Variants in NEURL1B observed in about 807,000 individuals in gnomAD.
The protein encoded by NEURL1B is E3 ubiquitin-protein ligase NEURL1B.
Under a neutral mutation model 37.4 loss-of-function variants are expected in NEURL1B, and 13 were observed. The ratio of observed to expected loss-of-function variants is 0.35; its 90% CI spans 0.23 to 0.55. NEURL1B has a LOEUF of 0.55. NEURL1B is among the 20% of genes least tolerant of loss of function. The pLI is 0.89. For synonymous variants in NEURL1B, 432 were observed against 426.6 expected (o/e 1.01, Z -0.16); for missense variants, 790 against 879.2 (o/e 0.90, Z 1.28).
chr5:172,684,043 G>A lies in NEURL1B; in HGVS notation c.1202G>A (p.Arg401His), dbSNP rs1561653555. 1 of 1,334,036 alleles carries A rather than the reference G, an allele frequency of 7.5e-7. No individual in the cohort carries two copies. Among genetic ancestry groups the A allele is most frequent in the Non-Finnish European group, 9.6e-7 (1 of 1,039,916 alleles). The allele number at this position is 1,334,036 out of a possible 1,614,324, so 82.6% of individuals were successfully genotyped here. ...GACGTGCTCCTGGGCATCAACGGGCGTCCGCGCGGCCGCCTGCTGTGCGTC... is the reference window on the plus strand; with the variant it reads ...GACGTGCTCCTGGGCATCAACGGGCATCCGCGCGGCCGCCTGCTGTGCGTC... Reference protein sequence around the residue: ...GGDVLLGINGRPRGRLLCVDT... With the variant: ...GGDVLLGINGHPRGRLLCVDT... Residue 401 changes from arginine to histidine, a missense_variant, in exon 3 of 5, where the codon CGT becomes CAT. This residue lies in a region of NEURL1B where 460 missense variants were observed against 407.4 expected (regional missense o/e 1.13). Transcript: ENST00000369800.
chr5:172,678,877 T>C (rs779109564), intron 2 of NEURL1B, among the ~76,000 whole-genome samples: 1 of 152,204 alleles, frequency 6.6e-6, no homozygotes, highest in East Asian at 1.9e-4. Context: ...ATTTGAGACA[T>C]ACATTTTGCT....
In NEURL1B at chr5:172,683,977, G is replaced by C; in HGVS notation, c.1136G>C (p.Ser379Thr). ...GTGGCGCGCGCCGGGCCCGTGCCGA[G>C]CGGCGGCGACGCGCTCAGCTTCACG... is the stretch of plus-strand genomic sequence containing the variant. ...WVVARAGPVPSGGDALSFTLR... is the reference protein window; with the variant it reads ...WVVARAGPVPTGGDALSFTLR... Residue 379 changes from serine to threonine, a missense_variant, in exon 3 of 5, where the codon AGC (serine) becomes ACC (threonine). Around this residue, in one of 3 missense-constraint regions of NEURL1B, gnomAD observed 460 missense variants for 407.4 expected, o/e 1.13. Transcript: ENST00000369800. This position sits in a 1 kb window ranked among gnomAD's most constrained non-coding sequence, Gnocchi z 5.6. 7.6e-7 allele frequency: 1 copy of C among 1,319,744 alleles called. No homozygotes were observed. Among genetic ancestry groups the C allele is most frequent in the Non-Finnish European group, 9.7e-7 (1 of 1,032,110 alleles). 81.8% of individuals were successfully genotyped at this position (1,319,744 alleles called of 1,614,324 possible). A position where few individuals can be genotyped will look rare whatever the true frequency, so the allele number is the denominator to read the frequency against.
Position 172,689,122 on chromosome 5 carries a change from G to C in NEURL1B, c.*2197G>C, listed in dbSNP as rs754559613. On this transcript the variant is annotated 3_prime_UTR_variant, in exon 5 of 5. Coordinates refer to ENST00000369800, the MANE Select transcript of NEURL1B (RefSeq NM_001142651.3). Reference sequence around the variant, plus strand: ...TGACCTGGGAAGAAGCGAGTCAGTGGCCCGTTCAACCTGCTCTGCAGCTGC... The same window carrying C: ...TGACCTGGGAAGAAGCGAGTCAGTGCCCCGTTCAACCTGCTCTGCAGCTGC... The C allele has an allele frequency of 3.9e-5, 6 of 152,262 alleles. No homozygotes were observed. The highest frequency in any genetic ancestry group is 8.8e-5 in the Non-Finnish European group (6 of 68,050). 9.4% of individuals were successfully genotyped at this position (152,262 alleles called of 1,614,324 possible).
rs1757811459 is a variant in NEURL1B at position 172,657,107 on chromosome 5, A to G, written c.32-12678A>G. Among the ~76,000 whole-genome samples, 1 of 152,198 alleles carries G rather than the reference A, an allele frequency of 6.6e-6. No homozygotes were observed. The highest frequency in any genetic ancestry group is 1.5e-5 in the Non-Finnish European group (1 of 68,024). ...AGGGAAGCAATTCTGCATGATAACCAACAGCATGCATGGGCTTTGGATTCA... is the reference window on the plus strand; with the variant it reads ...AGGGAAGCAATTCTGCATGATAACCGACAGCATGCATGGGCTTTGGATTCA... On this transcript the variant is annotated intron_variant, in intron 1 of 4. Coordinates refer to ENST00000369800, the MANE Select transcript of NEURL1B (RefSeq NM_001142651.3). The surrounding 1 kb of genome is among the most constrained non-coding windows in gnomAD (Gnocchi z 4.0).
chr5:172,670,073 C>T lies in NEURL1B; in HGVS notation c.320C>T (p.Ser107Leu), dbSNP rs1758093258. Residue 107 changes from serine (S) to leucine (L), a missense_variant, in exon 2 of 5, where the codon TCG becomes TTG. This residue lies in a region of NEURL1B where 215 missense variants were observed against 309.2 expected (regional missense o/e 0.70). Coordinates refer to ENST00000369800, the MANE Select transcript of NEURL1B (RefSeq NM_001142651.3). ...LRFGFTAHDP[S>L]LMSAQDIPKY... ...TTCGGCTTCACCGCGCACGATCCGT[C>T]GCTCATGAGCGCCCAGGACATCCCC... is the stretch of plus-strand genomic sequence containing the variant. 6.6e-7 allele frequency: 1 copy of T among 1,524,044 alleles called. No homozygotes were observed. Among genetic ancestry groups the T allele is most frequent in the Non-Finnish European group, 8.8e-7 (1 of 1,141,588 alleles). The allele number at this position is 1,524,044 out of a possible 1,614,324, so 94.4% of individuals were successfully genotyped here. A position where few individuals can be genotyped will look rare whatever the true frequency, so the allele number is the denominator to read the frequency against.
At position 172,670,085 on chromosome 5, in the gene NEURL1B, C is replaced by T. The variant is rs1758093615; in HGVS notation, c.332C>T (p.Ala111Val). ...GCGCACGATCCGTCGCTCATGAGCGCCCAGGACATCCCCAAGTACGCCTGC... is the reference window on the plus strand; with the variant it reads ...GCGCACGATCCGTCGCTCATGAGCGTCCAGGACATCCCCAAGTACGCCTGC... ...FTAHDPSLMS[A>V]QDIPKYACPD... is the part of the protein sequence containing the mutation. The change falls in exon 2 of 5, where the codon GCC becomes GTC. Residue 111 changes from alanine to valine, a missense_variant. Physicochemically the swap from Ala to Val is moderately conservative, Grantham distance 64. Transcript: ENST00000369800. 1.3e-6 allele frequency: 2 copies of T among 1,525,522 alleles called. No homozygotes were observed. Among genetic ancestry groups the T allele is most frequent in the Non-Finnish European group, 1.8e-6 (2 of 1,142,110 alleles). 94.5% of individuals were successfully genotyped at this position (1,525,522 alleles called of 1,614,324 possible).
rs1757660217 is a variant in NEURL1B, at chr5:172,651,370, T to C, written c.31+9933T>C. Among the ~76,000 whole-genome samples, 2 of 152,216 alleles carry C rather than the reference T, an allele frequency of 1.3e-5. 1 individual carries two copies. The highest frequency in any genetic ancestry group is 4.8e-5 in the African/African-American group (2 of 41,462). Reference sequence around the variant, plus strand: ...CTGACAAGAATAAGTGCACCTATCATGGCTGCGAGGGAAATAAGAATTGAG... The same window carrying C: ...CTGACAAGAATAAGTGCACCTATCACGGCTGCGAGGGAAATAAGAATTGAG... On this transcript the variant is annotated intron_variant, in intron 1 of 4. Transcript: ENST00000369800.
chr5:172,648,559 A>C (rs1215146449), intron 1 of NEURL1B, among the ~76,000 whole-genome samples: 1 of 152,206 alleles, frequency 6.6e-6, no homozygotes, highest in Non-Finnish European at 1.5e-5. Context: ...TTTCCCAGGG[A>C]ACACAGCTCA....
At chr5:172,678,640 G>C (rs1482544997) in intron 2 of NEURL1B, among the ~76,000 whole-genome samples, 2 of 151,398 alleles carry the variant, frequency 1.3e-5, no homozygotes, top group South Asian at 2.1e-4. Context: ...CCACCCCCTT[G>C]GTTGGCCATT....
At chr5:172,668,636 C>T (rs6877024) in intron 1 of NEURL1B, among the ~76,000 whole-genome samples, 26 of 152,332 alleles carry the variant, frequency 1.7e-4, no homozygotes, top group South Asian at 6.2e-4. Context: ...TTCCTGGGGT[C>T]GCCATTCTTC....
At chr5:172,673,954 C>T (rs1255067708) in intron 2 of NEURL1B, among the ~76,000 whole-genome samples, 3 of 151,958 alleles carry the variant, frequency 2.0e-5, no homozygotes, top group Non-Finnish European at 2.9e-5. Flanking sequence ...GCCTGGCCAA[C>T]ATGGTGAAAC....
chr5:172,650,124 T>C (rs578128494), intron 1 of NEURL1B, among the ~76,000 whole-genome samples: 4 of 152,310 alleles, frequency 2.6e-5, no homozygotes, highest in African/African-American at 7.2e-5. Context: ...CACAATTGCA[T>C]CCCTCAGGCA....
intron 2 of NEURL1B, among the ~76,000 whole-genome samples, chr5:172,681,194 TA>T (rs1184897745): frequency 2.0e-5 from 3 of 152,172 alleles, no homozygotes; most frequent in Non-Finnish European, 4.4e-5. Context: ...CACTAGGGAT[TA>T]CAATTTGACA....
chr5:172,679,612 A>C (rs1465291731), intron 2 of NEURL1B, among the ~76,000 whole-genome samples: 1 of 152,216 alleles, frequency 6.6e-6, no homozygotes, highest in East Asian at 1.9e-4. Flanking sequence ...AGAGGAACAA[A>C]GCTCCTTCCA....
Position 172,687,248 on chromosome 5 carries a change from A to G in NEURL1B, c.*323A>G. The G allele has an allele frequency of 1.8e-5, 3 of 168,640 alleles. No homozygotes were observed. Among genetic ancestry groups the G allele is most frequent in the South Asian group, 1.3e-4 (1 of 7,612 alleles). 10.4% of individuals were successfully genotyped at this position (168,640 alleles called of 1,614,324 possible). A position where few individuals can be genotyped will look rare whatever the true frequency, so the allele number is the denominator to read the frequency against. ...AATGCTTCTTGCTGGGGTTGGGTTG[A>G]GTGTGAGAGAAGGGGAGGGGAGGGA... On this transcript the variant is annotated 3_prime_UTR_variant, in exon 5 of 5. Coordinates refer to ENST00000369800, the MANE Select transcript of NEURL1B (RefSeq NM_001142651.3).
rs1458665583 is a variant in NEURL1B, at chr5:172,690,730, T to A, written c.*3805T>A. 1 of 152,014 alleles carries A rather than the reference T, an allele frequency of 6.6e-6. No homozygotes were observed. Among genetic ancestry groups the A allele is most frequent in the Non-Finnish European group, 1.5e-5 (1 of 68,066 alleles). 9.4% of individuals were successfully genotyped at this position (152,014 alleles called of 1,614,324 possible). ...AACCTGCTGTGCGCTTCACAGAACCTCCTCTTCATTGGAAATGCTGGGCAC... is the reference window on the plus strand; with the variant it reads ...AACCTGCTGTGCGCTTCACAGAACCACCTCTTCATTGGAAATGCTGGGCAC... On this transcript the variant is annotated 3_prime_UTR_variant, in exon 5 of 5. Transcript: ENST00000369800.
At chr5:172,643,347 T>G (rs1459628268) in intron 1 of NEURL1B, among the ~76,000 whole-genome samples, 2 of 152,234 alleles carry the variant, frequency 1.3e-5, no homozygotes, top group Non-Finnish European at 2.9e-5. Flanking sequence ...TTGCACACCC[T>G]GTGCTGTTTT....
rs537363123 is a variant in NEURL1B at position 172,673,782 on chromosome 5, G to A, written c.577+3452G>A. 2.6e-4 allele frequency among the ~76,000 whole-genome samples: 35 copies of A among 135,758 alleles called. 1 individual carries two copies. The South Asian group carries it at 3.7e-3, about 14-fold the overall frequency. 89.1% of individuals were successfully genotyped at this position (135,758 alleles called of 152,430 possible). ...ATTAGGAAAAAATTTTAGTACAAGC[G>A]TATCCCATGCAATGTTTGGGACGTA... On this transcript the variant is annotated intron_variant, in intron 2 of 4. Transcript: ENST00000369800.
At chr5:172,674,527 T>A (rs1157893266) in intron 2 of NEURL1B, among the ~76,000 whole-genome samples, 1 of 152,050 alleles carries the variant, frequency 6.6e-6, no homozygotes, top group East Asian at 1.9e-4. Context: ...TAGTTCGCAT[T>A]GTGCTCACCT....
Sources: allele counts gnomAD v4.1 joint callset (sites outside exome capture counted in the v4.1 genomes callset), GRCh38; gene constraint gnomAD v4.1.1; regional missense constraint gnomAD v4.1.1; non-coding constraint Gnocchi (gnomAD v3.1); transcripts MANE v1.5; gene names NCBI Gene and HGNC (gene_info 2026-07-23, HGNC 2026-07-21).